Variants in CNTN4 observed in about 807,000 individuals in gnomAD.
CNTN4 encodes the protein contactin 4.
CNTN4 carries 77 observed loss-of-function variants against 122.5 expected under a neutral mutation model. That is an observed-to-expected ratio of 0.63 (90% CI 0.52 to 0.76). The LOEUF is 0.76. CNTN4 is among the 30% of genes least tolerant of loss of function. The probability of loss-of-function intolerance (pLI) is 0.00; values close to 1 mark genes in which losing one functional copy is unlikely to be tolerated. For synonymous variants in CNTN4, 512 were observed against 447.0 expected (o/e 1.15, Z -1.83); for missense variants, 1,256 against 1,259.1 (o/e 1.00, Z 0.04).
rs73805501 is a variant in CNTN4, at chr3:3,007,814, C to G, written c.1487-18288C>G. Among the ~76,000 whole-genome samples the G allele has an allele frequency of 7.1e-3, 1,082 of 152,294 alleles. 13 individuals are homozygous for G. The highest frequency in any genetic ancestry group is 0.025 in the African/African-American group (1,039 of 41,558). On this transcript the variant is annotated intron_variant, in intron 14 of 24. Coordinates refer to ENST00000418658, the MANE Select transcript of CNTN4 (RefSeq NM_175607.3). ...AAATGGGAGCAATGAGGAAGTGACA[C>G]TGGGCTATCATATAATCTTTTATCC... is the stretch of plus-strand genomic sequence containing the variant.
chr3:2,654,237 G>C (rs543397716), intron 4 of CNTN4, among the ~76,000 whole-genome samples: 2 of 152,206 alleles, frequency 1.3e-5, no homozygotes, highest in African/African-American at 2.4e-5. Context: ...CTTGGCAATG[G>C]CCAGTTGTTT....
chr3:2,875,688 A>G (rs971710278), intron 8 of CNTN4, among the ~76,000 whole-genome samples: 1 of 152,204 alleles, frequency 6.6e-6, no homozygotes, highest in Non-Finnish European at 1.5e-5. Context: ...ACAAAATGAT[A>G]TCATTAAATA....
rs1237695520 is a variant in CNTN4 at position 3,030,792 on chromosome 3, T to C, written c.1663-63T>C. ...AATCCATTAGTCACCGTGTCCTTCA[T>C]GTGATAATGATATTTAGAGCTCATT... On this transcript the variant is annotated intron_variant, in intron 15 of 24. Transcript: ENST00000418658. 17 of 1,557,878 alleles carry C rather than the reference T, an allele frequency of 1.1e-5. No individual in the cohort carries two copies. The Admixed American group carries it at 2.8e-4, about 26-fold the overall frequency.
intron 2 of CNTN4, among the ~76,000 whole-genome samples, chr3:2,131,729 A>G (rs1242487681): frequency 6.6e-6 from 1 of 152,226 alleles, no homozygotes; most frequent in Non-Finnish European, 1.5e-5. Flanking sequence ...TTTTTTAAGT[A>G]TAATCCATTT....
At chr3:2,525,587 G>A (rs910996855) in intron 3 of CNTN4, among the ~76,000 whole-genome samples, 2 of 152,114 alleles carry the variant, frequency 1.3e-5, no homozygotes, top group Admixed American at 6.6e-5. Flanking sequence ...AACACAAGGT[G>A]TAAAAATACA....
chr3:2,944,032 A>G (rs2094646268), intron 13 of CNTN4, among the ~76,000 whole-genome samples: 1 of 152,140 alleles, frequency 6.6e-6, no homozygotes, highest in South Asian at 2.1e-4. Flanking sequence ...TCCATAGTAA[A>G]AAATAAAAAT....
intron 2 of CNTN4, among the ~76,000 whole-genome samples, chr3:2,127,727 A>G (rs531243548): frequency 7.2e-5 from 11 of 152,170 alleles, no homozygotes; most frequent in African/African-American, 1.9e-4. Flanking sequence ...TCTTGCACCT[A>G]TGAGATGCTA....
At chr3:2,298,534 T>G (rs1234023892) in intron 2 of CNTN4, among the ~76,000 whole-genome samples, 1 of 152,196 alleles carries the variant, frequency 6.6e-6, no homozygotes, top group Non-Finnish European at 1.5e-5. Context: ...TCTTGCCTCT[T>G]TCTTAGTCTC....
intron 4 of CNTN4, among the ~76,000 whole-genome samples, chr3:2,706,559 T>A (rs574144055): frequency 2.8e-4 from 42 of 152,216 alleles, no homozygotes; most frequent in African/African-American, 9.9e-4. Context: ...TATGTAATAT[T>A]GGGGAGGTAG....
chr3:2,139,528 A>G (rs552457271), intron 2 of CNTN4, among the ~76,000 whole-genome samples: 1 of 152,328 alleles, frequency 6.6e-6, no homozygotes, highest in African/African-American at 2.4e-5. Flanking sequence ...AAGATATAAC[A>G]TAATGAAAAG....
chr3:2,869,654 A>G (rs910487564), intron 8 of CNTN4, among the ~76,000 whole-genome samples: 6 of 152,174 alleles, frequency 3.9e-5, no homozygotes, highest in Admixed American at 3.3e-4. Flanking sequence ...TTCATCTGGT[A>G]TATTCATATT....
At chr3:2,510,186 C>G (rs1478769805) in intron 3 of CNTN4, among the ~76,000 whole-genome samples, 1 of 152,182 alleles carries the variant, frequency 6.6e-6, no homozygotes, top group Non-Finnish European at 1.5e-5. Flanking sequence ...GACTTTATTT[C>G]ACTCCCGTCA....
chr3:2,409,372 C>G (rs973396920), intron 3 of CNTN4, among the ~76,000 whole-genome samples: 1 of 151,620 alleles, frequency 6.6e-6, no homozygotes, highest in Non-Finnish European at 1.5e-5. Context: ...CTCAGCCTCA[C>G]GAGTAGCTGG....
rs141038328 is a variant in CNTN4, at chr3:2,748,393, A to G, written c.358+2696A>G. On this transcript the variant is annotated intron_variant, in intron 6 of 24. Coordinates refer to ENST00000418658, the MANE Select transcript of CNTN4 (RefSeq NM_175607.3). ...GTTCTGAGTAGTGACCCTTTGTTCC[A>G]TCATATCTGAAATTGCTTTAAGTCT... is the stretch of plus-strand genomic sequence containing the variant. 1.7e-4 allele frequency among the ~76,000 whole-genome samples: 26 copies of G among 151,118 alleles called. No homozygotes were observed. In the East Asian group the frequency reaches 4.9e-3, roughly 28 times the overall value.
At position 2,892,475 on chromosome 3, in the gene CNTN4, T is replaced by G. The variant is rs531141995; in HGVS notation, c.940+5251T>G. On this transcript the variant is annotated intron_variant, in intron 10 of 24. Coordinates refer to ENST00000418658, the MANE Select transcript of CNTN4 (RefSeq NM_175607.3). ...CTGTCACATCAGGCATTTTAGCCAG[T>G]CTACACAAAGTAGAATGAGAGCGCT... 7.2e-4 allele frequency among the ~76,000 whole-genome samples: 110 copies of G among 152,322 alleles called. 1 individual carries two copies. Among genetic ancestry groups the G allele is most frequent in the Middle Eastern group, 6.8e-3 (2 of 294 alleles).
At chr3:2,494,519 A>G (rs2076401919) in intron 3 of CNTN4, among the ~76,000 whole-genome samples, 1 of 152,156 alleles carries the variant, frequency 6.6e-6, no homozygotes, top group South Asian at 2.1e-4. Flanking sequence ...TGAAGCTTCC[A>G]GGTAGCAAGC....
At chr3:2,792,295 AAAT>A (rs1383134607) in intron 6 of CNTN4, among the ~76,000 whole-genome samples, 1 of 152,174 alleles carries the variant, frequency 6.6e-6, no homozygotes, top group Non-Finnish European at 1.5e-5. Context: ...TGTCTGAATC[AAAT>A]AATAGGAATT....
chr3:2,105,384 C>T (rs2032351422), intron 2 of CNTN4, among the ~76,000 whole-genome samples: 1 of 152,138 alleles, frequency 6.6e-6, no homozygotes, highest in South Asian at 2.1e-4. Flanking sequence ...TCTCACACTG[C>T]TAGAAAGAAC....
chr3:2,210,084 T>G (rs566537138), intron 2 of CNTN4, among the ~76,000 whole-genome samples: 1 of 152,184 alleles, frequency 6.6e-6, no homozygotes, highest in Non-Finnish European at 1.5e-5. Context: ...GTGTAAGATA[T>G]GTATGTCCCT....
Sources: gnomAD v4.1 joint callset for allele counts (sites outside exome capture counted in the v4.1 genomes callset) on GRCh38, gnomAD v4.1.1 for gene constraint, MANE v1.5 for transcripts, NCBI Gene and HGNC (gene_info 2026-07-23, HGNC 2026-07-21) for gene names.